Variants in ARSJ observed in about 807,000 individuals in gnomAD.
ARSJ encodes arylsulfatase J.
Under a neutral mutation model 35.9 loss-of-function variants are expected in ARSJ, and 26 were observed. The ratio of observed to expected loss-of-function variants is 0.72; its 90% CI spans 0.53 to 1.00. The LOEUF is 1.00. Ranked by LOEUF, ARSJ falls within the 50% of genes least tolerant of loss-of-function variation. The pLI is 0.00. For missense variants in ARSJ, 667 were observed against 723.6 expected (o/e 0.92, Z 0.90); for synonymous variants, 294 against 267.6 (o/e 1.10, Z -0.96).
intron 1 of ARSJ, among the ~76,000 whole-genome samples, chr4:113,917,906 G>A (rs1723417944): frequency 6.6e-6 from 1 of 152,116 alleles, no homozygotes; most frequent in African/African-American, 2.4e-5. Context: ...TTCTCACTGA[G>A]TTACCATGAA....
At position 113,902,622 on chromosome 4, in the gene ARSJ, C is replaced by G. The variant is rs776501058; in HGVS notation, c.1452G>C (p.Arg484=). 1.5e-5 allele frequency: 24 copies of G among 1,614,116 alleles called. No individual in the cohort carries two copies. The highest frequency in any genetic ancestry group is 3.3e-4 in the Middle Eastern group (2 of 6,062). ...NLGPNRWHNE[R]ITLSTGKSVW... ...CACTTTTGCCAGTTGACAAGGTGAT[C>G]CGTTCATTGTGCCACCGGTTCGGTC... Residue 484 remains arginine, a synonymous_variant, in exon 2 of 2, where the codon CGG becomes CGC. Transcript: ENST00000315366.
chr4:113,931,186 AT>A lies in ARSJ; in HGVS notation c.399-27512del, dbSNP rs200901338. 1.5e-3 allele frequency among the ~76,000 whole-genome samples: 214 copies of A among 146,028 alleles called. 3 individuals carry two copies. The East Asian group carries it at 0.039, about 27-fold the overall frequency. ...AACATAAAGTATAATTTAAAAAAAA[AT>A]AGAAAAAAAAAAGTATAAATAAATG... On this transcript the variant is annotated intron_variant, in intron 1 of 1. Coordinates refer to ENST00000315366, the MANE Select transcript of ARSJ (RefSeq NM_024590.4).
At chr4:113,973,027 G>A (rs1378483796) in intron 1 of ARSJ, among the ~76,000 whole-genome samples, 1 of 152,080 alleles carries the variant, frequency 6.6e-6, no homozygotes, top group Non-Finnish European at 1.5e-5. Flanking sequence ...AGGCCTTTCC[G>A]GAACCTGATC....
In ARSJ at chr4:113,900,949, G is replaced by GA; in HGVS notation, c.*1324dup. On this transcript the variant is annotated 3_prime_UTR_variant, in exon 2 of 2. Coordinates refer to ENST00000315366, the MANE Select transcript of ARSJ (RefSeq NM_024590.4). Reference sequence around the variant, plus strand: ...AGAGTAAGTTTATTACTTTTAATGGGAAAAACCGCAACTAGTTTTGCACCA... The same window carrying GA: ...AGAGTAAGTTTATTACTTTTAATGGGAAAAAACCGCAACTAGTTTTGCACCA... 1 of 152,076 alleles carries GA rather than the reference G, an allele frequency of 6.6e-6. No homozygotes were observed. The highest frequency in any genetic ancestry group is 1.5e-5 in the Non-Finnish European group (1 of 68,012). The allele number at this position is 152,076 out of a possible 1,614,324, so 9.4% of individuals were successfully genotyped here.
At chr4:113,921,124 A>G (rs1723650696) in intron 1 of ARSJ, among the ~76,000 whole-genome samples, 1 of 145,832 alleles carries the variant, frequency 6.9e-6, no homozygotes, top group African/African-American at 2.6e-5. Context: ...CACACTTTAA[A>G]TAATCATAAC....
chr4:113,908,569 C>A (rs1012057860), intron 1 of ARSJ, among the ~76,000 whole-genome samples: 15 of 121,600 alleles, frequency 1.2e-4, no homozygotes, highest in African/African-American at 4.3e-4. Flanking sequence ...CAAATGAGAG[C>A]TATAGTTGTA....
intron 1 of ARSJ, among the ~76,000 whole-genome samples, chr4:113,961,889 C>T (rs1278249518): frequency 7.8e-6 from 1 of 128,530 alleles, no homozygotes; most frequent in African/African-American, 3.6e-5. Flanking sequence ...TTGTCTCTCT[C>T]TCTCTCTCTG....
chr4:113,936,517 A>T (rs1338692149), intron 1 of ARSJ, among the ~76,000 whole-genome samples: 1 of 151,422 alleles, frequency 6.6e-6, no homozygotes, highest in Non-Finnish European at 1.5e-5. Context: ...TTGCTATGTA[A>T]AGAAGACAAA....
chr4:113,955,471 G>C (rs950819299), intron 1 of ARSJ, among the ~76,000 whole-genome samples: 1 of 150,750 alleles, frequency 6.6e-6, no homozygotes, highest in Admixed American at 6.6e-5. Flanking sequence ...CAATACTCAA[G>C]CCCAGGTTCC....
intron 1 of ARSJ, among the ~76,000 whole-genome samples, chr4:113,943,869 G>A (rs1594463995): frequency 6.6e-6 from 1 of 152,028 alleles, no homozygotes; most frequent in African/African-American, 2.4e-5. Context: ...AGGGAAGATG[G>A]CAGGAAACAA....
At chr4:113,914,345 T>C (rs1164763601) in intron 1 of ARSJ, among the ~76,000 whole-genome samples, 1 of 152,184 alleles carries the variant, frequency 6.6e-6, no homozygotes, top group South Asian at 2.1e-4. Flanking sequence ...AATATTTAGT[T>C]ATCCTAATAT....
intron 1 of ARSJ, among the ~76,000 whole-genome samples, chr4:113,920,900 C>A (rs977785220): frequency 4.6e-5 from 7 of 152,012 alleles, no homozygotes; most frequent in African/African-American, 1.7e-4. Context: ...TAATCTGAAC[C>A]ACTGACAAGC....
chr4:113,962,217 C>T (rs929921982), intron 1 of ARSJ, among the ~76,000 whole-genome samples: 54 of 151,998 alleles, frequency 3.6e-4, no homozygotes, highest in African/African-American at 1.3e-3. Context: ...CACCCTGCCC[C>T]AACATTCACC....
chr4:113,917,429 A>AT lies in ARSJ; in HGVS notation c.399-13755dup, dbSNP rs560751156. Among the ~76,000 whole-genome samples the AT allele has an allele frequency of 2.7e-3, 404 of 152,314 alleles. 2 individuals are homozygous for AT. The highest frequency in any genetic ancestry group is 6.8e-3 in the Middle Eastern group (2 of 294). On this transcript the variant is annotated intron_variant, in intron 1 of 1. Coordinates refer to ENST00000315366, the MANE Select transcript of ARSJ (RefSeq NM_024590.4). ...AGATTCTGAAAGTTAATTTAAGGATATTTTATAATAATATAAGTGAAAATG... is the reference window on the plus strand; with the variant it reads ...AGATTCTGAAAGTTAATTTAAGGATATTTTTATAATAATATAAGTGAAAATG...
At position 113,960,054 on chromosome 4, in the gene ARSJ, T is replaced by G. The variant is rs76934607; in HGVS notation, c.398+18383A>C. ...ATCATTACGGTTTTTTTTCAGTATT[T>G]TGTTTCTCATTCAGACAGCTTCCTA... On this transcript the variant is annotated intron_variant, in intron 1 of 1. Transcript: ENST00000315366. Among the ~76,000 whole-genome samples the G allele has an allele frequency of 7.3e-3, 1,111 of 152,186 alleles. 11 individuals are homozygous for G. Among genetic ancestry groups the G allele is most frequent in the African/African-American group, 0.026 (1,068 of 41,548 alleles).
Position 113,903,009 on chromosome 4 carries a change from A to C in ARSJ, c.1065T>G (p.Ala355=), listed in dbSNP as rs567502171. The C allele has an allele frequency of 6.2e-7, 1 of 1,614,190 alleles. No individual in the cohort carries two copies. The highest frequency in any genetic ancestry group is 1.1e-5 in the South Asian group (1 of 91,082). ...KGTYWEGGIR[A]VGFVHSPLLK... is the part of the protein sequence containing the mutation. The stretch of plus-strand genomic sequence containing the variant: ...GAAGTGGGCTATGCACAAAGCCTAC[A>C]GCCCGGATCCCTCCTTCCCAATATG... The change falls in exon 2 of 2, where the codon GCT becomes GCG. Residue 355 remains alanine, a synonymous_variant. Coordinates refer to ENST00000315366, the MANE Select transcript of ARSJ (RefSeq NM_024590.4).
chr4:113,970,068 A>C (rs1727146365), intron 1 of ARSJ, among the ~76,000 whole-genome samples: 1 of 152,222 alleles, frequency 6.6e-6, no homozygotes, highest in African/African-American at 2.4e-5. Flanking sequence ...GTGGTATTTT[A>C]GGTGAGTTTT....
At chr4:113,923,870 A>C (rs984687674) in intron 1 of ARSJ, among the ~76,000 whole-genome samples, 3 of 151,082 alleles carry the variant, frequency 2.0e-5, no homozygotes, top group African/African-American at 7.3e-5. Flanking sequence ...AATTCCTATA[A>C]AAGTTCTATT....
intron 1 of ARSJ, among the ~76,000 whole-genome samples, chr4:113,956,424 T>G (rs1726184354): frequency 6.6e-6 from 1 of 152,026 alleles, no homozygotes; most frequent in African/African-American, 2.4e-5. Context: ...TAGAAATCGG[T>G]GGGACCACAC....
Sources: allele counts gnomAD v4.1 joint callset (sites outside exome capture counted in the v4.1 genomes callset), GRCh38; gene constraint gnomAD v4.1.1; transcripts MANE v1.5; gene names NCBI Gene and HGNC (gene_info 2026-07-23, HGNC 2026-07-21).